The following SLC9A9 variants were observed in gnomAD, a reference collection of about 807,000 sequenced individuals.
The protein encoded by SLC9A9 is sodium/hydrogen exchanger 9.
SLC9A9 carries 62 observed loss-of-function variants against 77.8 expected under a neutral mutation model. The observed-to-expected ratio is 0.80, with a 90% CI of 0.65 to 0.98. The LOEUF is 0.98. SLC9A9 is among the 50% of genes least tolerant of loss of function. SLC9A9 has a pLI of 0.00. For missense variants in SLC9A9, 775 were observed against 774.9 expected (o/e 1.00, Z 0.00); for synonymous variants, 320 against 283.5 (o/e 1.13, Z -1.29).
intron 14 of SLC9A9, among the ~76,000 whole-genome samples, chr3:143,356,956 G>A (rs1211610329): frequency 6.6e-6 from 1 of 152,154 alleles, no homozygotes; most frequent in Non-Finnish European, 1.5e-5. Context: ...TATTCTAGGT[G>A]TTATTAACCA....
chr3:143,535,278 T>C (rs908232165), intron 9 of SLC9A9, among the ~76,000 whole-genome samples: 2 of 152,216 alleles, frequency 1.3e-5, no homozygotes, highest in African/African-American at 4.8e-5. Context: ...TTTAGAGTTC[T>C]TTCATGAAAG....
At chr3:143,279,203 T>A (rs766701753) in intron 14 of SLC9A9, among the ~76,000 whole-genome samples, 1 of 152,192 alleles carries the variant, frequency 6.6e-6, no homozygotes, top group Non-Finnish European at 1.5e-5. Context: ...TGCCAAGTTT[T>A]TCCCTGAAGG....
chr3:143,313,498 C>A (rs1401205917), intron 14 of SLC9A9, among the ~76,000 whole-genome samples: 1 of 152,172 alleles, frequency 6.6e-6, no homozygotes, highest in Non-Finnish European at 1.5e-5. Context: ...CCAGAAACAA[C>A]TCCTTACCCC....
intron 12 of SLC9A9, among the ~76,000 whole-genome samples, chr3:143,393,359 G>C (rs886920429): frequency 6.6e-6 from 1 of 152,134 alleles, no homozygotes; most frequent in Admixed American, 6.6e-5. Flanking sequence ...TACTGGGTAC[G>C]TAAGGAAATG....
chr3:143,303,354 G>GT (rs2030617989), intron 14 of SLC9A9, among the ~76,000 whole-genome samples: 1 of 151,626 alleles, frequency 6.6e-6, no homozygotes. Context: ...TTCCAGGTGG[G>GT]TTTTTTTCTT....
chr3:143,482,579 C>T (rs534831323), intron 11 of SLC9A9, among the ~76,000 whole-genome samples: 2 of 152,356 alleles, frequency 1.3e-5, no homozygotes, highest in East Asian at 3.9e-4. Flanking sequence ...AGCAGCTCTG[C>T]ACCCTGGCTC....
At chr3:143,554,950 T>G (rs2036954947) in intron 8 of SLC9A9, among the ~76,000 whole-genome samples, 1 of 152,228 alleles carries the variant, frequency 6.6e-6, no homozygotes. Context: ...CTTGCTTTAT[T>G]TTTTTCCTGT....
chr3:143,398,407 G>A (rs1376295044), intron 12 of SLC9A9, among the ~76,000 whole-genome samples: 2 of 152,140 alleles, frequency 1.3e-5, no homozygotes, highest in Non-Finnish European at 2.9e-5. Flanking sequence ...ACCATGAAGC[G>A]TGGAAGGCAG....
chr3:143,564,405 AAC>A (rs1371633087), intron 8 of SLC9A9, among the ~76,000 whole-genome samples: 1 of 152,176 alleles, frequency 6.6e-6, no homozygotes, highest in East Asian at 1.9e-4. Context: ...ATATCACCAG[AAC>A]ACAGAAAGAG....
At chr3:143,841,342 C>T (rs1234393480) in intron 1 of SLC9A9, among the ~76,000 whole-genome samples, 2 of 152,048 alleles carry the variant, frequency 1.3e-5, no homozygotes, top group Non-Finnish European at 2.9e-5. Flanking sequence ...GTTTTATTAC[C>T]TCAGTTTTCC....
intron 13 of SLC9A9, among the ~76,000 whole-genome samples, chr3:143,371,823 G>T (rs958257899): frequency 3.9e-5 from 6 of 152,134 alleles, no homozygotes; most frequent in Middle Eastern, 3.2e-3. Context: ...AAACCCTAAA[G>T]ATCCCTCCAA....
chr3:143,676,815 T>C (rs565316790), intron 5 of SLC9A9, among the ~76,000 whole-genome samples: 3 of 152,266 alleles, frequency 2.0e-5, no homozygotes, highest in South Asian at 2.1e-4. Context: ...CATGACTCCA[T>C]TGAACCTCTC....
At position 143,832,099 on chromosome 3, in the gene SLC9A9, G is replaced by C. The variant is rs757653934; in HGVS notation, c.298C>G (p.Gln100Glu). ...CTTTTGTATTTATATTCATAAACTT[G>C]GTCAGTGATATTAACCAGCAGAGTT... The part of the protein sequence containing the change: ...PSTLLVNITD[Q>E]VYEYKYKREI... Residue 100 changes from glutamine (Q) to glutamate (E), a missense_variant, in exon 2 of 16, where the codon CAA becomes GAA. By Grantham distance (29) the Gln-to-Glu change is conservative. Transcript: ENST00000316549. The C allele has an allele frequency of 6.2e-6, 10 of 1,612,886 alleles. No homozygotes were observed. Among genetic ancestry groups the C allele is most frequent in the African/African-American group, 1.3e-5 (1 of 74,834 alleles).
intron 5 of SLC9A9, among the ~76,000 whole-genome samples, chr3:143,679,146 CA>C (rs1200995297): frequency 6.6e-6 from 1 of 152,050 alleles, no homozygotes; most frequent in Non-Finnish European, 1.5e-5. Context: ...AACAAACAAA[CA>C]AAAACTGTTT....
intron 11 of SLC9A9, among the ~76,000 whole-genome samples, chr3:143,486,604 T>C (rs1408573131): frequency 6.6e-6 from 1 of 152,084 alleles, no homozygotes; most frequent in Non-Finnish European, 1.5e-5. Context: ...GAACACAATG[T>C]ATAAAGATAT....
At chr3:143,424,615 C>T (rs1274926083) in intron 12 of SLC9A9, among the ~76,000 whole-genome samples, 2 of 152,094 alleles carry the variant, frequency 1.3e-5, no homozygotes, top group Non-Finnish European at 2.9e-5. Flanking sequence ...CCATCTGCCT[C>T]GGCCTCCCAA....
intron 4 of SLC9A9, among the ~76,000 whole-genome samples, chr3:143,726,507 A>G (rs1188655057): frequency 6.6e-6 from 1 of 152,194 alleles, no homozygotes; most frequent in Non-Finnish European, 1.5e-5. Context: ...AGGGAATACC[A>G]CCACAGATTA....
At chr3:143,546,276 G>A (rs181223227) in intron 9 of SLC9A9, among the ~76,000 whole-genome samples, 6 of 152,228 alleles carry the variant, frequency 3.9e-5, no homozygotes, top group East Asian at 1.9e-4. Context: ...ATTCAATGGC[G>A]ATAAACACTA....
chr3:143,823,528 G>A (rs1379291865), intron 2 of SLC9A9, among the ~76,000 whole-genome samples: 1 of 151,958 alleles, frequency 6.6e-6, no homozygotes, highest in Non-Finnish European at 1.5e-5. Flanking sequence ...AAGACACAAA[G>A]GATAAATGCT....
Sources: allele counts gnomAD v4.1 joint callset (sites outside exome capture counted in the v4.1 genomes callset), GRCh38; gene constraint gnomAD v4.1.1; transcripts MANE v1.5; gene names NCBI Gene and HGNC (gene_info 2026-07-23, HGNC 2026-07-21).